Variants in CDH18 observed in about 807,000 individuals in gnomAD.
The protein encoded by CDH18 is cadherin 18, also known as cadherin-18.
CDH18 carries 31 observed loss-of-function variants against 67.9 expected under a neutral mutation model. That is an observed-to-expected ratio of 0.46 (90% CI 0.34 to 0.62). The LOEUF is 0.62. Among genes scored for constraint, CDH18 ranks in the 20% least tolerant of loss-of-function variants. The pLI, the probability that CDH18 is intolerant of heterozygous loss-of-function variation, is 0.01. For synonymous variants in CDH18, 362 were observed against 347.2 expected, an observed-to-expected ratio of 1.04 and a Z score of -0.48; for missense variants, 890 against 975.5, an observed-to-expected ratio of 0.91 and a Z score of 1.17.
chr5:19,873,100 C>T (rs181267094), intron 2 of CDH18, among the ~76,000 whole-genome samples: 104 of 151,644 alleles, frequency 6.9e-4, no homozygotes, highest in Non-Finnish European at 1.3e-3. Flanking sequence ...CATGTTATGG[C>T]TAGTTTTGTC....
At chr5:20,043,093 T>C (rs1740593649) in intron 2 of CDH18, among the ~76,000 whole-genome samples, 1 of 152,120 alleles carries the variant, frequency 6.6e-6, no homozygotes. Context: ...TTGCCCTATG[T>C]ATTGGGGGAT....
chr5:20,030,739 T>C (rs1409077815), intron 2 of CDH18, among the ~76,000 whole-genome samples: 1 of 152,138 alleles, frequency 6.6e-6, no homozygotes, highest in African/African-American at 2.4e-5. Flanking sequence ...GGTTGTATAA[T>C]ATTAGGAATT....
chr5:20,554,730 C>T (rs1197463139), intron 1 of CDH18, among the ~76,000 whole-genome samples: 1 of 152,128 alleles, frequency 6.6e-6, no homozygotes, highest in African/African-American at 2.4e-5. Flanking sequence ...CCAATAGAAA[C>T]CTGCAGTAGT....
chr5:20,561,388 T>C (rs1300782349), intron 1 of CDH18, among the ~76,000 whole-genome samples: 1 of 152,086 alleles, frequency 6.6e-6, no homozygotes, highest in Admixed American at 6.6e-5. Context: ...AAAAATAAGT[T>C]GTGCTGCATG....
In CDH18 at chr5:20,550,334, T is replaced by C. The variant is rs562592817; in HGVS notation, c.-580+25128A>G. ...TCCTATCAGGTATGAAGAAACAATT[T>C]AGAAATAGAGTTGTGACTATAAAGC... On this transcript the variant is annotated intron_variant, in intron 1 of 14. Transcript: ENST00000507958. Among the ~76,000 whole-genome samples the C allele has an allele frequency of 5.3e-5, 8 of 152,310 alleles. No homozygotes were observed. The South Asian group carries it at 1.7e-3, about 32-fold the overall frequency.
rs1010588597 is a variant in CDH18, at chr5:20,450,741, A to G, written c.-580+124721T>C. ...GTGGTTCTCTAGCACCTCACACTACATATGAAAAAACTCATTGCATTAGTC... is the reference window on the plus strand; with the variant it reads ...GTGGTTCTCTAGCACCTCACACTACGTATGAAAAAACTCATTGCATTAGTC... On this transcript the variant is annotated intron_variant, in intron 1 of 14. Transcript: ENST00000507958. Among the ~76,000 whole-genome samples the G allele has an allele frequency of 2.6e-5, 4 of 152,284 alleles. No homozygotes were observed. In the South Asian group the frequency reaches 8.3e-4, roughly 32 times the overall value.
chr5:20,162,678 C>T (rs1735982479), intron 2 of CDH18, among the ~76,000 whole-genome samples: 1 of 150,926 alleles, frequency 6.6e-6, no homozygotes, highest in African/African-American at 2.4e-5. Context: ...CAGCGCTATG[C>T]TTGGGAGTTT....
At chr5:20,020,962 A>G (rs2150433024) in intron 2 of CDH18, among the ~76,000 whole-genome samples, 1 of 152,102 alleles carries the variant, frequency 6.6e-6, no homozygotes, top group East Asian at 2.0e-4. Flanking sequence ...AGAGTAGCCA[A>G]GGGACTTGAG....
intron 7 of CDH18, among the ~76,000 whole-genome samples, chr5:19,582,234 T>C (rs1035593902): frequency 2.0e-5 from 3 of 151,904 alleles, no homozygotes; most frequent in African/African-American, 4.8e-5. Flanking sequence ...TGTGTATATA[T>C]GACATAAATA....
chr5:20,552,168 T>C (rs755250823), intron 1 of CDH18, among the ~76,000 whole-genome samples: 1 of 151,622 alleles, frequency 6.6e-6, no homozygotes, highest in Non-Finnish European at 1.5e-5. Flanking sequence ...GCAGAATTTT[T>C]GGTTTCATTA....
rs1738888544 is a variant in CDH18, at chr5:20,328,924, A to ATT, written c.-579-73420_-579-73419insAA. Among the ~76,000 whole-genome samples, 7 of 107,696 alleles carry ATT rather than the reference A, an allele frequency of 6.5e-5. No homozygotes were observed. The East Asian group carries it at 6.9e-4, about 11-fold the overall frequency. The allele number at this position is 107,696 out of a possible 152,430, so 70.7% of individuals were successfully genotyped here. ...TGAGCCTGGATATGTCCAGACTGCAATGTGATTGCACCATTGCACTTCAGC... is the reference window on the plus strand; with the variant it reads ...TGAGCCTGGATATGTCCAGACTGCAATTTGTGATTGCACCATTGCACTTCAGC... On this transcript the variant is annotated intron_variant, in intron 1 of 14. Transcript: ENST00000507958.
At chr5:19,920,510 C>CTTTTTTTTTTTTTT (rs66464033) in intron 2 of CDH18, among the ~76,000 whole-genome samples, 1 of 83,008 alleles carries the variant, frequency 1.2e-5, no homozygotes, top group Non-Finnish European at 2.6e-5. Context: ...TTTAACCTTA[C>CTTTTTTTTTTTTTT]TTTTTTTTTT....
intron 2 of CDH18, among the ~76,000 whole-genome samples, chr5:19,940,274 G>A (rs1794683971): frequency 6.6e-6 from 1 of 151,464 alleles, no homozygotes; most frequent in South Asian, 2.1e-4. Flanking sequence ...TTTCCACCAA[G>A]TCAATAGGTT....
At chr5:19,500,976 A>G (rs1743136529) in intron 11 of CDH18, among the ~76,000 whole-genome samples, 1 of 151,598 alleles carries the variant, frequency 6.6e-6, no homozygotes, top group South Asian at 2.1e-4. Context: ...ACTAAAAAAT[A>G]CAAAAAAATT....
intron 2 of CDH18, among the ~76,000 whole-genome samples, chr5:20,145,874 A>G (rs1580343840): frequency 6.6e-6 from 1 of 152,140 alleles, no homozygotes; most frequent in South Asian, 2.1e-4. Context: ...TATCACCCTC[A>G]CACATTTAAA....
chr5:19,932,993 C>G (rs1473605657), intron 2 of CDH18, among the ~76,000 whole-genome samples: 3 of 151,456 alleles, frequency 2.0e-5, no homozygotes, highest in African/African-American at 4.8e-5. Flanking sequence ...GTATTACATA[C>G]AGTAATAGGT....
At position 20,080,353 on chromosome 5, in the gene CDH18, G is replaced by A. The variant is rs534915756; in HGVS notation, c.-517-88339C>T. ...CTTAACTGCAAAGTAATATAATTTA[G>A]TAATAGTGTGCAAATTATATTATGA... On this transcript the variant is annotated intron_variant, in intron 2 of 14. Coordinates refer to the CDH18 transcript ENST00000507958. Among the ~76,000 whole-genome samples, 10 of 152,124 alleles carry A rather than the reference G, an allele frequency of 6.6e-5. No individual in the cohort carries two copies. In the East Asian group the frequency reaches 1.9e-3, roughly 29 times the overall value.
At chr5:20,234,505 T>C (rs549141232) in intron 2 of CDH18, among the ~76,000 whole-genome samples, 102 of 152,206 alleles carry the variant, frequency 6.7e-4, no homozygotes, top group African/African-American at 2.4e-3. Context: ...GTCTCTTCTC[T>C]CCACTGTGTA....
chr5:19,856,107 T>C (rs1784250458), intron 2 of CDH18, among the ~76,000 whole-genome samples: 1 of 152,186 alleles, frequency 6.6e-6, no homozygotes, highest in Admixed American at 6.5e-5. Flanking sequence ...GAAAGAGCAA[T>C]AAAAAGTAAC....
Sources: allele counts gnomAD v4.1 joint callset (sites outside exome capture counted in the v4.1 genomes callset), GRCh38; gene constraint gnomAD v4.1.1; transcripts MANE v1.5; gene names NCBI Gene and HGNC (gene_info 2026-07-23, HGNC 2026-07-21).